Variants in CLEC16A observed in about 807,000 individuals in gnomAD.
CLEC16A encodes the protein protein CLEC16A.
In CLEC16A, 51 loss-of-function variants were observed where a neutral mutation model predicts 109.5. The ratio of observed to expected loss-of-function variants is 0.47; its 90% confidence interval spans 0.37 to 0.59. The LOEUF (loss-of-function observed/expected upper bound fraction) is 0.59. Ranked by LOEUF, CLEC16A falls within the 20% of genes least tolerant of loss-of-function variation. The pLI, the probability that CLEC16A is intolerant of heterozygous loss-of-function variation, is 0.00. For synonymous variants in CLEC16A, 673 were observed against 564.2 expected (o/e 1.19, Z -2.73); for missense variants, 1,339 against 1,394.0 (o/e 0.96, Z 0.63).
At chr16:11,125,757 G>C (rs551200599) in intron 21 of CLEC16A, among the ~76,000 whole-genome samples, 1 of 152,240 alleles carries the variant, frequency 6.6e-6, no homozygotes, top group Non-Finnish European at 1.5e-5. Context: ...CTCAACCTTG[G>C]CCCGAAGCCC....
chr16:10,982,786 G>A (rs2146727763), intron 9 of CLEC16A, 92 bp from the exon 10 acceptor site: 1 of 712,978 alleles, frequency 1.4e-6, no homozygotes. Flanking sequence ...CAGGACTTAG[G>A]TAGCCCAGCC....
intron 19 of CLEC16A, among the ~76,000 whole-genome samples, chr16:11,090,041 T>A (rs2050217689): frequency 6.6e-6 from 1 of 152,178 alleles, no homozygotes; most frequent in South Asian, 2.1e-4. Context: ...CTAACTCTGC[T>A]TGGTCGTTGT....
At chr16:11,121,566 G>GT (rs1254767084) in intron 20 of CLEC16A, among the ~76,000 whole-genome samples, 174 of 151,368 alleles carry the variant, frequency 1.1e-3, no homozygotes, top group African/African-American at 2.2e-3. Flanking sequence ...GATTTTTTGG[G>GT]TTTTTTTTTG....
chr16:11,107,608 G>A (rs911358207), intron 19 of CLEC16A, among the ~76,000 whole-genome samples: 9 of 152,128 alleles, frequency 5.9e-5, no homozygotes, highest in South Asian at 2.1e-4. Context: ...GTCCCCCACC[G>A]GAGTGAGTCG....
At chr16:11,137,764 G>T (rs1048837809) in intron 22 of CLEC16A, among the ~76,000 whole-genome samples, 1 of 151,720 alleles carries the variant, frequency 6.6e-6, no homozygotes, top group South Asian at 2.1e-4. Flanking sequence ...AACCAAGGTC[G>T]CACCACTGCA....
At chr16:11,052,859 G>A (rs2048022171) in intron 18 of CLEC16A, among the ~76,000 whole-genome samples, 1 of 151,634 alleles carries the variant, frequency 6.6e-6, no homozygotes, top group South Asian at 2.1e-4. Flanking sequence ...GCTGAGCACT[G>A]CTGCTCTGGA....
intron 1 of CLEC16A, among the ~76,000 whole-genome samples, chr16:10,948,618 C>A (rs902412899): frequency 9.9e-5 from 15 of 152,142 alleles, no homozygotes; most frequent in Non-Finnish European, 2.1e-4. Context: ...TGTATTGTGG[C>A]CTTCATTCTG....
intron 13 of CLEC16A, among the ~76,000 whole-genome samples, chr16:11,029,744 C>A (rs1232975206): frequency 1.3e-5 from 2 of 152,208 alleles, no homozygotes; most frequent in East Asian, 3.8e-4. Context: ...GGATTGAAGT[C>A]TAATTGATAT....
At chr16:11,028,543 GAAA>G (rs577834995) in intron 13 of CLEC16A, among the ~76,000 whole-genome samples, 4 of 123,382 alleles carry the variant, frequency 3.2e-5, no homozygotes, top group African/African-American at 3.0e-5. Flanking sequence ...CTCTGCTGTG[GAAA>G]AAAAAAAAAA....
At chr16:11,092,215 G>A (rs554569188) in intron 19 of CLEC16A, among the ~76,000 whole-genome samples, 1 of 152,226 alleles carries the variant, frequency 6.6e-6, no homozygotes, top group South Asian at 2.1e-4. Context: ...GTGGTGGTAT[G>A]CACCTGTAGT....
chr16:11,016,772 G>A (rs538859645), intron 11 of CLEC16A, among the ~76,000 whole-genome samples: 25 of 152,230 alleles, frequency 1.6e-4, no homozygotes, highest in African/African-American at 6.0e-4. Context: ...AAGGCTTTCT[G>A]TGCAGCTAGA....
chr16:11,052,170 T>C (rs1439750312), intron 18 of CLEC16A, among the ~76,000 whole-genome samples: 1 of 152,138 alleles, frequency 6.6e-6, no homozygotes, highest in African/African-American at 2.4e-5. Flanking sequence ...TTATCAGCCC[T>C]TTTTTTCCGA....
At chr16:11,162,790 C>A (rs918310391) in intron 22 of CLEC16A, among the ~76,000 whole-genome samples, 3 of 152,202 alleles carry the variant, frequency 2.0e-5, no homozygotes, top group Admixed American at 6.5e-5. Context: ...TATCAGCTGT[C>A]TTCTGTTCTC....
intron 22 of CLEC16A, among the ~76,000 whole-genome samples, chr16:11,162,227 G>T (rs1391343775): frequency 1.3e-5 from 2 of 152,250 alleles, no homozygotes; most frequent in Non-Finnish European, 1.5e-5. Context: ...CCGTGAAACT[G>T]GGGGCTCCTG....
rs1036416466 is a variant in CLEC16A, at chr16:11,072,374, T to C, written c.2116+11352T>C. On this transcript the variant is annotated intron_variant, in intron 19 of 23. Transcript: ENST00000409790. ...CCTCAAGTGATCCTCCTGCTTCGGC[T>C]TCCCAATGTACTGGGATTACAGGTG... is the stretch of plus-strand genomic sequence containing the variant. Among the ~76,000 whole-genome samples the C allele has an allele frequency of 2.0e-5, 3 of 152,168 alleles. No homozygotes were observed. In the East Asian group the frequency reaches 5.8e-4, roughly 29 times the overall value.
At position 11,039,824 on chromosome 16, in the gene CLEC16A, C is replaced by T. The variant is rs61740118; in HGVS notation, c.1608C>T (p.Asn536=). ...VPNAAEKTTY[N]HPLAERLIRI... is the part of the protein sequence containing the mutation. ...ATGCGGCCGAGAAGACCACCTACAA[C>T]CACCCGCTAGCTGAAAGACTCATCA... The change falls in exon 14 of 24, where the codon AAC becomes AAT. Residue 536 remains asparagine (N), a synonymous_variant. Transcript: ENST00000409790. 2.2e-3 allele frequency: 3,523 copies of T among 1,612,252 alleles called. 68 individuals carry two copies. The African/African-American group carries it at 0.04, about 19-fold the overall frequency.
At chr16:11,007,814 ATG>A (rs950512987) in intron 11 of CLEC16A, among the ~76,000 whole-genome samples, 6 of 151,894 alleles carry the variant, frequency 4.0e-5, no homozygotes, top group African/African-American at 1.5e-4. Flanking sequence ...GTTTGTATGT[ATG>A]TGTGTGTGTA....
intron 10 of CLEC16A, among the ~76,000 whole-genome samples, chr16:10,989,002 C>A (rs898020703): frequency 3.3e-4 from 51 of 152,272 alleles, no homozygotes; most frequent in African/African-American, 1.2e-3. Context: ...GAAACAGACA[C>A]CATGCGCCCT....
intron 14 of CLEC16A, chr16:11,041,960 G>T (rs2047360021): frequency 6.3e-6 from 2 of 318,074 alleles, no homozygotes; most frequent in Non-Finnish European, 1.2e-5. Context: ...GGGGTGCAGG[G>T]CCACTTTCCA....
Sources: allele counts gnomAD v4.1 joint callset (sites outside exome capture counted in the v4.1 genomes callset), GRCh38; gene constraint gnomAD v4.1.1; transcripts MANE v1.5; gene names NCBI Gene and HGNC (gene_info 2026-07-23, HGNC 2026-07-21).